Variants in SNX18 observed in about 807,000 individuals in gnomAD.
The protein encoded by SNX18 is sorting nexin 18.
Under a neutral mutation model 48.7 loss-of-function variants are expected in SNX18, and 35 were observed. The observed-to-expected ratio is 0.72, with a 90% confidence interval of 0.55 to 0.95. The LOEUF is 0.95. SNX18 is among the 40% of genes least tolerant of loss of function. The pLI, the probability that SNX18 is intolerant of heterozygous loss-of-function variation, is 0.00. For synonymous variants in SNX18, 492 were observed against 384.7 expected (o/e 1.28, Z -3.26); for missense variants, 824 against 871.0 (o/e 0.95, Z 0.68).
At chr5:54,634,209 T>C in the SNX18 span, among the ~76,000 whole-genome samples, 2 of 152,212 alleles carry the variant, frequency 1.3e-5, no homozygotes, top group South Asian at 2.1e-4. Flanking sequence ...AACATGCTTA[T>C]TGGATTTCCT....
At chr5:54,542,128 C>T (rs1270288242) in intron 1 of SNX18, among the ~76,000 whole-genome samples, 2 of 152,160 alleles carry the variant, frequency 1.3e-5, no homozygotes, top group African/African-American at 4.8e-5. Context: ...CTTAAGCTGG[C>T]TTTGTTCAAG....
At chr5:54,556,824 T>C in the SNX18 span, among the ~76,000 whole-genome samples, 1 of 152,146 alleles carries the variant, frequency 6.6e-6, no homozygotes, top group Non-Finnish European at 1.5e-5. Context: ...ACCAGCACAG[T>C]GTGGCAGGCC....
At chr5:54,569,835 C>T in the SNX18 span, among the ~76,000 whole-genome samples, 2 of 152,256 alleles carry the variant, frequency 1.3e-5, no homozygotes, top group South Asian at 4.1e-4. Flanking sequence ...TACATTGGTC[C>T]AAGCAGTAGG....
At chr5:54,618,300 G>T in the SNX18 span, among the ~76,000 whole-genome samples, 111,918 of 152,208 alleles carry the variant, frequency 0.74, 41,927 homozygotes, top group African/African-American at 0.88. Context: ...TTAAACCTCT[G>T]TCTTTTACAA....
chr5:54,584,528 T>G, the SNX18 span, among the ~76,000 whole-genome samples: 1 of 152,086 alleles, frequency 6.6e-6, no homozygotes, highest in Admixed American at 6.5e-5. Flanking sequence ...TTTGCATAGG[T>G]GGAGTGTGGC....
downstream of SNX18, among the ~76,000 whole-genome samples, chr5:54,551,453 A>G (rs1762654262): frequency 6.6e-6 from 1 of 152,140 alleles, no homozygotes; most frequent in Admixed American, 6.5e-5. Flanking sequence ...CACTCCGATC[A>G]CTTTTGTGAT....
At chr5:54,590,582 A>G in the SNX18 span, among the ~76,000 whole-genome samples, 6 of 152,080 alleles carry the variant, frequency 3.9e-5, no homozygotes, top group Admixed American at 2.6e-4. Context: ...GTGACCCCCT[A>G]CTTATACCTG....
At chr5:54,583,740 T>C in the SNX18 span, among the ~76,000 whole-genome samples, 11 of 152,244 alleles carry the variant, frequency 7.2e-5, no homozygotes, top group Admixed American at 6.5e-4. Context: ...ATGTAAGTAA[T>C]GTAATTTTCC....
chr5:54,527,536 G>A (rs1373860923), intron 1 of SNX18, among the ~76,000 whole-genome samples: 2 of 152,198 alleles, frequency 1.3e-5, no homozygotes, highest in African/African-American at 4.8e-5. Context: ...GTGGGGAGCA[G>A]CAATCAGGAA....
At chr5:54,523,957 G>A (rs1580095350) in intron 1 of SNX18, among the ~76,000 whole-genome samples, 1 of 152,350 alleles carries the variant, frequency 6.6e-6, no homozygotes, top group South Asian at 2.1e-4. Context: ...GCTCTAAGAA[G>A]TTGGGGCTGT....
At position 54,519,146 on chromosome 5, in the gene SNX18, G is replaced by A. The variant is rs778626096; in HGVS notation, c.1194G>A (p.Glu398=). 4.3e-6 allele frequency: 7 copies of A among 1,614,066 alleles called. No individual in the cohort carries two copies. In the South Asian group the frequency reaches 7.7e-5, roughly 18 times the overall value. The change falls in exon 1 of 2, where the codon GAG becomes GAA. Residue 398 remains glutamate, a synonymous_variant. Coordinates refer to ENST00000381410, the MANE Select transcript of SNX18 (RefSeq NM_001102575.2). ...GGAAGCAGGGCAAGAGGAAGGCCGA[G>A]AAGGACGAGATGGTGGGCGCCAACT... The part of the protein sequence containing the change: ...KAWKQGKRKA[E]KDEMVGANFF...
Position 54,543,496 on chromosome 5 carries a change from T to C in SNX18, c.*64T>C. 1.3e-6 allele frequency: 2 copies of C among 1,566,956 alleles called. No individual in the cohort carries two copies. The highest frequency in any genetic ancestry group is 1.8e-5 in the Admixed American group (1 of 56,164). On this transcript the variant is annotated 3_prime_UTR_variant, in exon 2 of 2. Coordinates refer to ENST00000381410, the MANE Select transcript of SNX18 (RefSeq NM_001102575.2). The stretch of plus-strand genomic sequence containing the variant: ...ATAATTTCTACAGCAGAATAAAAAC[T>C]GCTGTCAAAGAGCTATTGCCAGCTA...
the SNX18 span, among the ~76,000 whole-genome samples, chr5:54,609,593 T>TA: frequency 6.6e-6 from 1 of 151,960 alleles, no homozygotes; most frequent in African/African-American, 2.4e-5. Context: ...TTAATTTTCA[T>TA]AAAAAACTGA....
chr5:54,643,653 A>G, the SNX18 span: 1 of 152,118 alleles, frequency 6.6e-6, no homozygotes, highest in Non-Finnish European at 1.5e-5. Flanking sequence ...TTGAGATGGG[A>G]GGAGAACGGA....
chr5:54,535,041 A>T (rs1442996138), intron 1 of SNX18, among the ~76,000 whole-genome samples: 1 of 152,208 alleles, frequency 6.6e-6, no homozygotes, highest in Non-Finnish European at 1.5e-5. Flanking sequence ...TAAAAATTTG[A>T]GCCTTTTAAG....
chr5:54,581,248 C>T, the SNX18 span, among the ~76,000 whole-genome samples: 2 of 152,156 alleles, frequency 1.3e-5, no homozygotes, highest in South Asian at 4.2e-4. Context: ...AATATAGTTG[C>T]ATGCCAAGTT....
the SNX18 span, among the ~76,000 whole-genome samples, chr5:54,584,484 A>T: frequency 6.6e-6 from 1 of 152,174 alleles, no homozygotes; most frequent in Non-Finnish European, 1.5e-5. Flanking sequence ...TAAAAGTGTG[A>T]TCTGGCCTAA....
chr5:54,579,007 C>A, the SNX18 span, among the ~76,000 whole-genome samples: 6,953 of 152,202 alleles, frequency 0.046, 257 homozygotes, highest in African/African-American at 0.097. Flanking sequence ...AAAGTTTGTT[C>A]ATCTTTCCTA....
chr5:54,556,119 G>C, the SNX18 span, among the ~76,000 whole-genome samples: 1 of 152,132 alleles, frequency 6.6e-6, no homozygotes. Flanking sequence ...CCTCTTATTA[G>C]TGGGTGTTTA....
Sources: gnomAD v4.1 joint callset for allele counts (sites outside exome capture counted in the v4.1 genomes callset) on GRCh38, gnomAD v4.1.1 for gene constraint, MANE v1.5 for transcripts, NCBI Gene and HGNC (gene_info 2026-07-23, HGNC 2026-07-21) for gene names.